NCKAP1L: variants seen among roughly 807,000 people sequenced by gnomAD.
NCKAP1L encodes the protein NCK associated protein 1 like.
A neutral mutation model predicts 139.2 loss-of-function variants in NCKAP1L; 53 were observed. The ratio of observed to expected loss-of-function variants is 0.38; its 90% CI spans 0.31 to 0.48. NCKAP1L has a LOEUF of 0.48. NCKAP1L is among the 20% of genes least tolerant of loss of function. The pLI is 0.98. For missense variants in NCKAP1L, 1,151 were observed against 1,381.9 expected, an observed-to-expected ratio of 0.83 and a Z score of 2.65; for synonymous variants, 468 against 499.7, an observed-to-expected ratio of 0.94 and a Z score of 0.85.
At chr12:54,517,754 C>G (rs1956945680) in intron 12 of NCKAP1L, 52 bp from the exon 13 acceptor site, 1 of 1,608,380 alleles carries the variant, frequency 6.2e-7, no homozygotes, top group East Asian at 2.2e-5. Flanking sequence ...GTGTTTGTCT[C>G]AGTTCATATT....
At chr12:54,516,827 TCTGTGCTGC>T in intron 10 of NCKAP1L, 60 bp from the exon 11 acceptor site, 2 of 1,353,028 alleles carry the variant, frequency 1.5e-6, no homozygotes, top group South Asian at 2.3e-5. Context: ...ATAGCTTTCT[TCTGTGCTGC>T]CTGTGGAGGG....
Position 54,507,890 on chromosome 12 carries a change from G to C in NCKAP1L, c.344G>C (p.Cys115Ser). 1 of 1,614,000 alleles carries C rather than the reference G, an allele frequency of 6.2e-7. No homozygotes were observed. The highest frequency in any genetic ancestry group is 8.5e-7 in the Non-Finnish European group (1 of 1,179,926). Residue 115 changes from cysteine (C) to serine (S), a missense_variant, in exon 4 of 31, where the codon TGC (cysteine) becomes TCC (serine). Cys to Ser is a moderately radical substitution (Grantham distance 112). Coordinates refer to ENST00000293373, the MANE Select transcript of NCKAP1L (RefSeq NM_005337.5). The stretch of plus-strand genomic sequence containing the variant: ...GAACTTCTCAACACCATTGATGCCT[G>C]CCAGTGCCATTTTGATATCGTAAGA... ...VYELLNTIDA[C>S]QCHFDINLNF...
At chr12:54,531,682 A>G (rs1402996135) in intron 24 of NCKAP1L, 61 bp from the exon 25 acceptor site, 3 of 1,602,928 alleles carry the variant, frequency 1.9e-6, no homozygotes, top group East Asian at 4.5e-5. Flanking sequence ...GGTCTGTAGA[A>G]TCAAAATCAT....
rs1319935334 is a variant in NCKAP1L, at chr12:54,528,195, G to T, written c.2376-52G>T. 1.9e-6 allele frequency: 3 copies of T among 1,592,790 alleles called. No homozygotes were observed. The African/African-American group carries it at 4.0e-5, about 21-fold the overall frequency. On this transcript the variant is annotated intron_variant, in intron 21 of 30. Transcript: ENST00000293373. Reference sequence around the variant, plus strand: ...TCAGTGGTAGTAGTAGGGAATGCTGGTAGGGAGAAGGGATTGGATCCTAAT... The same window carrying T: ...TCAGTGGTAGTAGTAGGGAATGCTGTTAGGGAGAAGGGATTGGATCCTAAT...
intron 20 of NCKAP1L, among the ~76,000 whole-genome samples, chr12:54,525,641 C>T (rs561604592): frequency 6.7e-6 from 1 of 149,446 alleles, no homozygotes; most frequent in African/African-American, 2.6e-5. Context: ...ATCAGTCTTG[C>T]CCTTAGTCTG....
chr12:54,527,385 A>G (rs968228061), intron 21 of NCKAP1L, among the ~76,000 whole-genome samples: 1 of 152,198 alleles, frequency 6.6e-6, no homozygotes, highest in Non-Finnish European at 1.5e-5. Context: ...GCAAATGCAA[A>G]TGCCAGTTGG....
At chr12:54,528,485 C>A in intron 22 of NCKAP1L, 108 bp downstream of exon 22, 1 of 1,384,336 alleles carries the variant, frequency 7.2e-7, no homozygotes, top group Non-Finnish European at 9.7e-7. Context: ...GTAATTTTTG[C>A]AATTACTTTT....
intron 30 of NCKAP1L, 33 bp downstream of exon 30, chr12:54,539,006 G>C: frequency 6.4e-7 from 1 of 1,566,514 alleles, no homozygotes; most frequent in Non-Finnish European, 8.8e-7. Context: ...TGTGAGAATA[G>C]GGAATGGAAG....
chr12:54,510,010 G>A (rs1417212397), intron 7 of NCKAP1L, 25 bp downstream of exon 7: 61 of 1,612,874 alleles, frequency 3.8e-5, no homozygotes, highest in Non-Finnish European at 5.2e-5. Context: ...CCTTTTGTTA[G>A]TGGAAGCATT....
chr12:54,503,936 C>A (rs1483706814), intron 3 of NCKAP1L, among the ~76,000 whole-genome samples: 1 of 152,042 alleles, frequency 6.6e-6, no homozygotes, highest in Non-Finnish European at 1.5e-5. Context: ...TCACTGCACC[C>A]AGCCAATAAT....
intron 8 of NCKAP1L, 23 bp downstream of exon 8, chr12:54,511,874 G>C: frequency 6.2e-7 from 1 of 1,614,012 alleles, no homozygotes. Flanking sequence ...GGATTAGATG[G>C]GAGTGGATGA....
intron 7 of NCKAP1L, chr12:54,510,289 A>G: frequency 2.1e-6 from 1 of 485,080 alleles, no homozygotes; most frequent in Non-Finnish European, 3.8e-6. Context: ...GGCACCTATT[A>G]AGCCTAGCAG....
rs964991980 is a variant in NCKAP1L, at chr12:54,513,953, A to C, written c.941+1848A>C. On this transcript the variant is annotated intron_variant, in intron 9 of 30. Coordinates refer to ENST00000293373, the MANE Select transcript of NCKAP1L (RefSeq NM_005337.5). ...CACTATCACCTCCCAGAATAGTTTG[A>C]TGTGCATCCTTCAGATGTGTGTGTG... Among the ~76,000 whole-genome samples the C allele has an allele frequency of 3.4e-5, 5 of 146,878 alleles. No individual in the cohort carries two copies. The Admixed American group carries it at 3.5e-4, about 10-fold the overall frequency.
chr12:54,519,232 C>T lies in NCKAP1L; in HGVS notation c.1525C>T (p.Pro509Ser), dbSNP rs370705182. 2 of 1,582,784 alleles carry T rather than the reference C, an allele frequency of 1.3e-6. No homozygotes were observed. The highest frequency in any genetic ancestry group is 1.7e-6 in the Non-Finnish European group (2 of 1,171,156). ...AKAPLHLHEN[P>S]DLAKVMNLIV... ...GGCCCCTCTGCACCTGCATGAGAAC[C>T]CTGACTTAGCCAAGGTGATGAACCT... The change falls in exon 16 of 31, where the codon CCT becomes TCT. Residue 509 changes from proline to serine, a missense_variant. By Grantham distance (74) the Pro-to-Ser change is moderately conservative. Coordinates refer to ENST00000293373, the MANE Select transcript of NCKAP1L (RefSeq NM_005337.5).
chr12:54,535,145 G>A lies in NCKAP1L; in HGVS notation c.2904G>A (p.Val968=). Reference sequence around the variant, plus strand: ...TTGAGCTGGCATCTGCTGCAGGTGTGGGCTGTGACATTGACCCAGCCTTGG... The same window carrying A: ...TTGAGCTGGCATCTGCTGCAGGTGTAGGCTGTGACATTGACCCAGCCTTGG... ...SIFELASAAG[V]GCDIDPALVA... The change falls in exon 27 of 31, where the codon GTG becomes GTA. Residue 968 remains valine, a synonymous_variant. Coordinates refer to ENST00000293373, the MANE Select transcript of NCKAP1L (RefSeq NM_005337.5). 2.5e-6 allele frequency: 4 copies of A among 1,613,674 alleles called. No individual in the cohort carries two copies. Among genetic ancestry groups the A allele is most frequent in the Non-Finnish European group, 3.4e-6 (4 of 1,179,798 alleles).
chr12:54,514,036 T>G (rs1209956240), intron 9 of NCKAP1L, among the ~76,000 whole-genome samples: 1 of 151,904 alleles, frequency 6.6e-6, no homozygotes, highest in Non-Finnish European at 1.5e-5. Flanking sequence ...TTTTCAACCT[T>G]ATGAAAGTAA....
rs183622734 is a variant in NCKAP1L at position 54,546,824 on chromosome 12, G to A, written c.*4139G>A. 6.6e-6 allele frequency: 1 copy of A among 152,472 alleles called. No individual in the cohort carries two copies. Among genetic ancestry groups the A allele is most frequent in the Non-Finnish European group, 1.5e-5 (1 of 68,104 alleles). 9.4% of individuals were successfully genotyped at this position (152,472 alleles called of 1,614,324 possible). On this transcript the variant is annotated 3_prime_UTR_variant, in exon 31 of 31. Transcript: ENST00000293373. Reference sequence around the variant, plus strand: ...GAAGTCAGAAGTTAACTTGAGCTGAGTTTGCAGCTCTGGAGAGATTGAGGA... The same window carrying A: ...GAAGTCAGAAGTTAACTTGAGCTGAATTTGCAGCTCTGGAGAGATTGAGGA...
intron 9 of NCKAP1L, among the ~76,000 whole-genome samples, chr12:54,512,805 TGTG>T (rs1956899528): frequency 6.8e-6 from 1 of 146,556 alleles, no homozygotes; most frequent in African/African-American, 2.6e-5. Flanking sequence ...TGTGAGTAAT[TGTG>T]TGTGTGTGTG....
rs1322782575 is a variant in NCKAP1L at position 54,509,842 on chromosome 12, C to A, written c.598-6C>A. 1 of 1,614,170 alleles carries A rather than the reference C, an allele frequency of 6.2e-7. No individual in the cohort carries two copies. The highest frequency in any genetic ancestry group is 1.1e-5 in the South Asian group (1 of 91,078). On this transcript the variant is annotated splice_polypyrimidine_tract_variant and splice_region_variant and intron_variant, in intron 6 of 30. Coordinates refer to ENST00000293373, the MANE Select transcript of NCKAP1L (RefSeq NM_005337.5). ...CCGCTAAGGTTTCATTTGCTTTTCC[C>A]CACAGGCTGTGAGTGGAGCCCTCCT... is the stretch of plus-strand genomic sequence containing the variant.
Sources: allele counts gnomAD v4.1 joint callset (sites outside exome capture counted in the v4.1 genomes callset), GRCh38; gene constraint gnomAD v4.1.1; transcripts MANE v1.5; gene names NCBI Gene and HGNC (gene_info 2026-07-23, HGNC 2026-07-21).